SLC6A7: variants seen among roughly 807,000 people sequenced by gnomAD.
The protein encoded by SLC6A7 is sodium-dependent proline transporter.
Under a neutral mutation model 73.1 loss-of-function variants are expected in SLC6A7, and 58 were observed. The observed-to-expected ratio is 0.79, with a 90% CI of 0.64 to 0.99. SLC6A7 has a LOEUF of 0.99. Among genes scored for constraint, SLC6A7 ranks in the 50% least tolerant of loss-of-function variants. SLC6A7 has a pLI of 0.00. For missense variants in SLC6A7, 783 were observed against 831.4 expected (o/e 0.94, Z 0.72); for synonymous variants, 338 against 338.7 (o/e 1.00, Z 0.02).
chr5:150,201,195 C>A lies in SLC6A7; in HGVS notation c.830C>A (p.Pro277His). 6.2e-7 allele frequency: 1 copy of A among 1,612,996 alleles called. No individual in the cohort carries two copies. Among genetic ancestry groups the A allele is most frequent in the Non-Finnish European group, 8.5e-7 (1 of 1,179,476 alleles). ...AWKGIQFYLT[P>H]QFHHLLSSKV... The stretch of plus-strand genomic sequence containing the variant: ...AAGGGCATCCAGTTCTATCTCACCC[C>A]CCAGTTCCACCACTTGTTGTCTTCC... The change falls in exon 6 of 14, where the codon CCC becomes CAC. Residue 277 changes from proline (P) to histidine (H), a missense_variant. Physicochemically the swap from Pro to His is moderately conservative, Grantham distance 77. Transcript: ENST00000230671.
chr5:150,202,398 G>T lies in SLC6A7; in HGVS notation c.910G>T (p.Gly304Trp). 2 of 1,614,094 alleles carry T rather than the reference G, an allele frequency of 1.2e-6. No individual in the cohort carries two copies. Among genetic ancestry groups the T allele is most frequent in the South Asian group, 1.1e-5 (1 of 91,074 alleles). ...QIFYSLGVGFGGLLTFASYNT... is the reference protein window; with the variant it reads ...QIFYSLGVGFWGLLTFASYNT... ...CTTCTATTCCCTGGGTGTGGGCTTC[G>T]GGGGGCTCCTCACCTTTGCCTCCTA... The change falls in exon 7 of 14, where the codon GGG (glycine) becomes TGG (tryptophan). Residue 304 changes from glycine (G) to tryptophan (W), a missense_variant. Physicochemically the swap from Gly to Trp is radical, Grantham distance 184 (BLOSUM62 -2). Coordinates refer to ENST00000230671, the MANE Select transcript of SLC6A7 (RefSeq NM_014228.5).
rs1342474078 is a variant in SLC6A7 at position 150,199,265 on chromosome 5, G to A, written c.622G>A (p.Gly208Ser). The change falls in exon 5 of 14, where the codon GGC (glycine) becomes AGC (serine). Residue 208 changes from glycine (G) to serine (S), a missense_variant. By Grantham distance (56) the Gly-to-Ser change is moderately conservative (BLOSUM62 0). Coordinates refer to ENST00000230671, the MANE Select transcript of SLC6A7 (RefSeq NM_014228.5). ...VLHIQGSQGIGSPGEIRWNLC... is the reference protein window; with the variant it reads ...VLHIQGSQGISSPGEIRWNLC... The stretch of plus-strand genomic sequence containing the variant: ...CCACATCCAAGGCAGCCAGGGCATC[G>A]GCAGCCCTGGGGAGATCCGCTGGAA... The A allele has an allele frequency of 1.4e-5, 22 of 1,611,126 alleles. No homozygotes were observed. Among genetic ancestry groups the A allele is most frequent in the African/African-American group, 2.7e-5 (2 of 74,926 alleles).
At chr5:150,196,692 T>A (rs1279880616) in intron 2 of SLC6A7, 24 bp from the exon 3 acceptor site, 1 of 1,606,784 alleles carries the variant, frequency 6.2e-7, no homozygotes, top group African/African-American at 1.3e-5. Context: ...CCAAGGCCCT[T>A]GCTGACCACC....
Position 150,209,627 on chromosome 5 carries a change from G to A in SLC6A7, c.*12G>A, listed in dbSNP as rs1434442003. On this transcript the variant is annotated 3_prime_UTR_variant, in exon 14 of 14. Coordinates refer to ENST00000230671, the MANE Select transcript of SLC6A7 (RefSeq NM_014228.5). ...AGTCGATGATGTGAGGCAGGAGGCA[G>A]GCGGGCAGAAGGCCCTGCCCGGGAC... The A allele has an allele frequency of 6.3e-7, 1 of 1,579,354 alleles. No homozygotes were observed. The highest frequency in any genetic ancestry group is 8.6e-7 in the Non-Finnish European group (1 of 1,160,966).
intron 12 of SLC6A7, 51 bp downstream of exon 12, chr5:150,204,978 C>T (rs1370442302): frequency 7.6e-6 from 9 of 1,178,058 alleles, no homozygotes; most frequent in African/African-American, 4.5e-5. Flanking sequence ...GAATTGAAAG[C>T]GGGAGTCCCC....
In SLC6A7 at chr5:150,190,298, C is replaced by T. The variant is rs1263640150; in HGVS notation, c.-30C>T. On this transcript the variant is annotated 5_prime_UTR_variant, in exon 1 of 14. It introduces an in-frame stop codon into an upstream open reading frame of the 5' UTR. Transcript: ENST00000230671. ...TGCCCTCGCTCTCTGCGCTCCGGGG[C>T]AGCTGAGCCCCGGCCACCCGCTCTC... 2.1e-5 allele frequency: 31 copies of T among 1,506,260 alleles called. No homozygotes were observed. Among genetic ancestry groups the T allele is most frequent in the Non-Finnish European group, 2.6e-5 (29 of 1,127,832 alleles). The allele number at this position is 1,506,260 out of a possible 1,614,324, so 93.3% of individuals were successfully genotyped here. A position where few individuals can be genotyped will look rare whatever the true frequency, so the allele number is the denominator to read the frequency against.
intron 4 of SLC6A7, 83 bp downstream of exon 4, chr5:150,197,359 C>A (rs1351613336): frequency 3.4e-6 from 3 of 872,062 alleles, no homozygotes; most frequent in Non-Finnish European, 5.3e-6. Context: ...ACAGTCTCAG[C>A]ATGTACCGCC....
intron 3 of SLC6A7, 87 bp downstream of exon 3, chr5:150,196,934 G>T: frequency 6.5e-7 from 1 of 1,540,582 alleles, no homozygotes; most frequent in Non-Finnish European, 8.8e-7. Flanking sequence ...GCCAGCTCCA[G>T]GCAGAGGTGG....
At chr5:150,198,820 G>GTGTGTT (rs1554115802) in intron 4 of SLC6A7, among the ~76,000 whole-genome samples, 12,569 of 124,146 alleles carry the variant, frequency 0.1, 614 homozygotes, top group Middle Eastern at 0.14. Flanking sequence ...TGGTGTGTGT[G>GTGTGTT]TGTGTGTGTG....
intron 5 of SLC6A7, among the ~76,000 whole-genome samples, chr5:150,200,000 C>T (rs1203422444): frequency 1.3e-5 from 2 of 152,096 alleles, no homozygotes; most frequent in African/African-American, 4.8e-5. Context: ...TAAATTAATC[C>T]CTGTGGCCCG....
rs768284177 is a variant in SLC6A7 at position 150,196,721 on chromosome 5, T to G, written c.223T>G (p.Phe75Val). The G allele has an allele frequency of 1.2e-6, 2 of 1,613,194 alleles. No homozygotes were observed. Among genetic ancestry groups the G allele is most frequent in the South Asian group, 2.2e-5 (2 of 90,950 alleles). ...YRAYTNGGGA[F>V]LVPYFLMLAI... ...GACCACCCCGCTCCCGGCAGGCGCC[T>G]TCCTCGTGCCCTACTTCCTCATGCT... is the stretch of plus-strand genomic sequence containing the variant. The change falls in exon 3 of 14, where the codon TTC (phenylalanine) becomes GTC (valine). Residue 75 changes from phenylalanine to valine, a missense_variant. Transcript: ENST00000230671.
intron 5 of SLC6A7, among the ~76,000 whole-genome samples, chr5:150,199,684 G>A (rs1011668067): frequency 3.6e-4 from 55 of 152,326 alleles, no homozygotes; most frequent in African/African-American, 1.3e-3. Context: ...GAGTGCATGA[G>A]TTAGGGGGCT....
intron 1 of SLC6A7, among the ~76,000 whole-genome samples, chr5:150,194,323 G>T (rs1168966070): frequency 6.6e-6 from 1 of 152,038 alleles, no homozygotes; most frequent in African/African-American, 2.4e-5. Flanking sequence ...CAGCTACTCG[G>T]GAGGCTGAGA....
chr5:150,198,820 G>GTGTT (rs1554115792), intron 4 of SLC6A7, among the ~76,000 whole-genome samples: 1 of 124,192 alleles, frequency 8.1e-6, no homozygotes, highest in Non-Finnish European at 1.7e-5. Flanking sequence ...TGGTGTGTGT[G>GTGTT]TGTGTGTGTG....
chr5:150,196,866 C>T lies in SLC6A7; in HGVS notation c.349+19C>T, dbSNP rs755775505. ...TTCAAAGGTGAGGCCTCAGTGGTCCCCAGGGAGGGAAGGGCTCAGGGTCTG... is the reference window on the plus strand; with the variant it reads ...TTCAAAGGTGAGGCCTCAGTGGTCCTCAGGGAGGGAAGGGCTCAGGGTCTG... On this transcript the variant is annotated intron_variant, in intron 3 of 13. Transcript: ENST00000230671. 1.6e-5 allele frequency: 25 copies of T among 1,611,024 alleles called. No individual in the cohort carries two copies. In the African/African-American group the frequency reaches 3.1e-4, roughly 20 times the overall value.
At chr5:150,191,917 T>G (rs1203441790) in intron 1 of SLC6A7, among the ~76,000 whole-genome samples, 1 of 151,768 alleles carries the variant, frequency 6.6e-6, no homozygotes, top group East Asian at 1.9e-4. Flanking sequence ...TTTAATCCTT[T>G]AACACTTCCA....
chr5:150,194,953 G>A, intron 2 of SLC6A7, 42 bp downstream of exon 2: 1 of 1,568,458 alleles, frequency 6.4e-7, no homozygotes. Context: ...TGGGGTGATG[G>A]GCCAAGGCCC....
At chr5:150,196,897 G>T in intron 3 of SLC6A7, 50 bp downstream of exon 3, 1 of 1,586,692 alleles carries the variant, frequency 6.3e-7, no homozygotes, top group African/African-American at 1.3e-5. Context: ...GTCTGGGGGA[G>T]GCAGGGAGGT....
chr5:150,199,330 C>G lies in SLC6A7; in HGVS notation c.687C>G (p.Phe229Leu), dbSNP rs374438317. The G allele has an allele frequency of 1.3e-5, 21 of 1,613,938 alleles. No individual in the cohort carries two copies. The highest frequency in any genetic ancestry group is 1.6e-5 in the Non-Finnish European group (19 of 1,179,972). The change falls in exon 5 of 14, where the codon TTC (phenylalanine) becomes TTG (leucine). Residue 229 changes from phenylalanine (F) to leucine (L), a missense_variant. Coordinates refer to ENST00000230671, the MANE Select transcript of SLC6A7 (RefSeq NM_014228.5). ...LCLLLAWVIV[F>L]LCILKGVKSS... ...TGCTGCTGGCCTGGGTCATCGTGTT[C>G]CTCTGTATCCTCAAGGGTGTGAAGT...
Sources: gnomAD v4.1 joint callset for allele counts (sites outside exome capture counted in the v4.1 genomes callset) on GRCh38, gnomAD v4.1.1 for gene constraint, MANE v1.5 for transcripts, NCBI Gene and HGNC (gene_info 2026-07-23, HGNC 2026-07-21) for gene names.